The following CDK18 variants were observed in gnomAD, a reference collection of about 807,000 sequenced individuals.
The protein encoded by CDK18 is cyclin-dependent kinase 18.
A neutral mutation model predicts 62.0 loss-of-function variants in CDK18; 52 were observed. The ratio of observed to expected loss-of-function variants is 0.84; its 90% CI spans 0.67 to 1.06. The LOEUF is 1.06. Among genes scored for constraint, CDK18 ranks in the 50% least tolerant of loss-of-function variants. The pLI, the probability that CDK18 is intolerant of heterozygous loss-of-function variation, is 0.00. For synonymous variants in CDK18, 237 were observed against 247.0 expected (o/e 0.96, Z 0.38); for missense variants, 604 against 619.9 (o/e 0.97, Z 0.27).
intron 4 of CDK18, among the ~76,000 whole-genome samples, chr1:205,524,918 G>C (rs1390928592): frequency 6.6e-6 from 1 of 152,086 alleles, no homozygotes; most frequent in African/African-American, 2.4e-5. Flanking sequence ...AACAATCCCA[G>C]GTGCCACAGC....
At chr1:205,526,295 G>A (rs749900174) in intron 6 of CDK18, 72 bp from the exon 7 acceptor site, 19 of 1,480,004 alleles carry the variant, frequency 1.3e-5, no homozygotes, top group Admixed American at 3.3e-5. Flanking sequence ...GACTCCTGGC[G>A]CTGACCCCAA....
chr1:205,518,553 G>A (rs982579214), intron 1 of CDK18, among the ~76,000 whole-genome samples: 6 of 152,224 alleles, frequency 3.9e-5, no homozygotes, highest in Non-Finnish European at 8.8e-5. Flanking sequence ...GAGGGCTCCA[G>A]GTAGGAGAAG....
At chr1:205,509,930 AT>A in intron 1 of CDK18, among the ~76,000 whole-genome samples, 1 of 152,102 alleles carries the variant, frequency 6.6e-6, no homozygotes. Flanking sequence ...AAATACAAAA[AT>A]TAGCCAGGCA....
At chr1:205,511,878 A>G (rs1667580355) in intron 1 of CDK18, among the ~76,000 whole-genome samples, 1 of 152,122 alleles carries the variant, frequency 6.6e-6, no homozygotes, top group African/African-American at 2.4e-5. Context: ...ACATGGTGAA[A>G]CCCCATCTCT....
At chr1:205,505,570 T>TG (rs1313798393) in intron 1 of CDK18, among the ~76,000 whole-genome samples, 1 of 152,162 alleles carries the variant, frequency 6.6e-6, no homozygotes, top group Non-Finnish European at 1.5e-5. Flanking sequence ...GCTAAGGAGA[T>TG]GTGCCTTGAG....
At chr1:205,530,767 CT>C (rs1228708000) in intron 15 of CDK18, 62 bp downstream of exon 15, 30 of 1,390,880 alleles carry the variant, frequency 2.2e-5, no homozygotes, top group African/African-American at 8.5e-5. Flanking sequence ...CAGGCGACCC[CT>C]CCCCAGTGGG....
At chr1:205,515,890 T>C (rs2102284757) in intron 1 of CDK18, among the ~76,000 whole-genome samples, 1 of 152,334 alleles carries the variant, frequency 6.6e-6, no homozygotes, top group South Asian at 2.1e-4. Flanking sequence ...GGGAATCCTC[T>C]TGGAGCTCTG....
intron 2 of CDK18, 67 bp from the exon 3 acceptor site, chr1:205,523,415 AG>A (rs755289020): frequency 2.6e-5 from 40 of 1,520,520 alleles, no homozygotes; most frequent in Middle Eastern, 1.7e-4. Flanking sequence ...GCGCTGGGGG[AG>A]GGGGGCTACC....
rs965236333 is a variant in CDK18, at chr1:205,527,546, C to T, written c.730-248C>T. The T allele has an allele frequency of 6.0e-6, 3 of 496,434 alleles. No homozygotes were observed. Among genetic ancestry groups the T allele is most frequent in the South Asian group, 2.8e-5 (1 of 36,348 alleles). The allele number at this position is 496,434 out of a possible 1,614,324, so 30.8% of individuals were successfully genotyped here. A position where few individuals can be genotyped will look rare whatever the true frequency, so the allele number is the denominator to read the frequency against. ...CCACATAGGCGGGCATCCTGACCCC[C>T]GTGCTCCTGACTGAGACTTCGCTGG... On this transcript the variant is annotated intron_variant, in intron 8 of 15. Transcript: ENST00000429964. The surrounding 1 kb of genome is among the most constrained non-coding windows in gnomAD (Gnocchi z 4.1).
chr1:205,528,264 C>T lies in CDK18; in HGVS notation c.974+96C>T. On this transcript the variant is annotated intron_variant, in intron 10 of 15. Coordinates refer to ENST00000429964, the MANE Select transcript of CDK18 (RefSeq NM_212502.3). This position sits in a 1 kb window ranked among gnomAD's most constrained non-coding sequence, Gnocchi z 4.2. The stretch of plus-strand genomic sequence containing the variant: ...CCCCAAGGGCCTCGGGGAAGAACTG[C>T]CTAACTTCCTTTGCCTAAAAGCCTT... The T allele has an allele frequency of 1.4e-6, 2 of 1,439,902 alleles. No homozygotes were observed. Among genetic ancestry groups the T allele is most frequent in the South Asian group, 1.3e-5 (1 of 76,850 alleles). The allele number at this position is 1,439,902 out of a possible 1,614,324, so 89.2% of individuals were successfully genotyped here.
At chr1:205,520,469 A>G (rs1558775051) in intron 1 of CDK18, among the ~76,000 whole-genome samples, 1 of 151,952 alleles carries the variant, frequency 6.6e-6, no homozygotes, top group Non-Finnish European at 1.5e-5. Context: ...GAGGCCGAGG[A>G]GGGGCAGATC....
intron 14 of CDK18, 139 bp downstream of exon 14, chr1:205,530,488 G>T: frequency 8.4e-7 from 1 of 1,189,266 alleles, no homozygotes. Context: ...CTCCCCTGCT[G>T]GGGTTCTCAT....
In CDK18 at chr1:205,527,960, C is replaced by G; in HGVS notation, c.853+43C>G. On this transcript the variant is annotated intron_variant, in intron 9 of 15. Coordinates refer to ENST00000429964, the MANE Select transcript of CDK18 (RefSeq NM_212502.3). The surrounding 1 kb of genome is among the most constrained non-coding windows in gnomAD (Gnocchi z 4.1). ...GTGGGGGTCTGACGCTACTGGGGTG[C>G]CTCAGGGTGTGGGTGCAGTGGGGGA... 6.2e-7 allele frequency: 1 copy of G among 1,613,078 alleles called. No homozygotes were observed. Among genetic ancestry groups the G allele is most frequent in the Non-Finnish European group, 8.5e-7 (1 of 1,179,328 alleles).
At position 205,517,510 on chromosome 1, in the gene CDK18, G is replaced by A. The variant is rs1205418183; in HGVS notation, c.-21-5637G>A. Among the ~76,000 whole-genome samples, 1 of 152,058 alleles carries A rather than the reference G, an allele frequency of 6.6e-6. No individual in the cohort carries two copies. Among genetic ancestry groups the A allele is most frequent in the Admixed American group, 6.6e-5 (1 of 15,254 alleles). ...CCAGCATGTTTGCTCAGATACCACT[G>A]TACGTTGAAAATGTCACCTGCCCAA... On this transcript the variant is annotated intron_variant, in intron 1 of 15. Transcript: ENST00000429964. This position sits in a 1 kb window ranked among gnomAD's most constrained non-coding sequence, Gnocchi z 4.1.
In CDK18 at chr1:205,516,651, G is replaced by A. The variant is rs116262112; in HGVS notation, c.-21-6496G>A. 8.5e-3 allele frequency among the ~76,000 whole-genome samples: 1,297 copies of A among 152,260 alleles called. 8 individuals are homozygous for A. The highest frequency in any genetic ancestry group is 0.033 in the South Asian group (161 of 4,808). On this transcript the variant is annotated intron_variant, in intron 1 of 15. Transcript: ENST00000429964. This position sits in a 1 kb window ranked among gnomAD's most constrained non-coding sequence, Gnocchi z 4.8. ...ATGAGGGAGACAGGTGAAAAGTCAC[G>A]CCCCATTGAAGGAGGGGCACCTGGT... is the stretch of plus-strand genomic sequence containing the variant.
At chr1:205,507,264 T>C (rs1273005936) in intron 1 of CDK18, among the ~76,000 whole-genome samples, 2 of 152,138 alleles carry the variant, frequency 1.3e-5, no homozygotes, top group East Asian at 3.8e-4. Flanking sequence ...GACCTTCCCC[T>C]CACTAGCACA....
In CDK18 at chr1:205,528,857, C is replaced by T. The variant is rs974503565; in HGVS notation, c.975-142C>T. The T allele has an allele frequency of 1.9e-5, 11 of 591,780 alleles. No individual in the cohort carries two copies. Among genetic ancestry groups the T allele is most frequent in the African/African-American group, 1.5e-4 (8 of 53,610 alleles). The allele number at this position is 591,780 out of a possible 1,614,324, so 36.7% of individuals were successfully genotyped here. A position where few individuals can be genotyped will look rare whatever the true frequency, so the allele number is the denominator to read the frequency against. ...GGCTGGGCAGTTCTAGGAGCCTCCA[C>T]TGCCCTGGGCCACCCCTCCGCCGCC... On this transcript the variant is annotated intron_variant, in intron 10 of 15. Coordinates refer to ENST00000429964, the MANE Select transcript of CDK18 (RefSeq NM_212502.3). This position sits in a 1 kb window ranked among gnomAD's most constrained non-coding sequence, Gnocchi z 4.2.
At chr1:205,518,486 A>C (rs1175488009) in intron 1 of CDK18, among the ~76,000 whole-genome samples, 1 of 152,216 alleles carries the variant, frequency 6.6e-6, no homozygotes, top group Non-Finnish European at 1.5e-5. Flanking sequence ...TTTGGCACGC[A>C]GTTCAGAGTA....
At position 205,528,224 on chromosome 1, in the gene CDK18, G is replaced by A; in HGVS notation, c.974+56G>A. The A allele has an allele frequency of 6.3e-7, 1 of 1,589,068 alleles. No homozygotes were observed. The highest frequency in any genetic ancestry group is 2.3e-5 in the East Asian group (1 of 44,398). ...GAGGACAGGCCTGGCCACACCTCCAGACTCTCCTTTGCTTCCCCAAGGGCC... is the reference window on the plus strand; with the variant it reads ...GAGGACAGGCCTGGCCACACCTCCAAACTCTCCTTTGCTTCCCCAAGGGCC... On this transcript the variant is annotated intron_variant, in intron 10 of 15. Transcript: ENST00000429964. The surrounding 1 kb of genome is among the most constrained non-coding windows in gnomAD (Gnocchi z 4.2).
Sources: allele counts gnomAD v4.1 joint callset (sites outside exome capture counted in the v4.1 genomes callset), GRCh38; gene constraint gnomAD v4.1.1; non-coding constraint Gnocchi (gnomAD v3.1); transcripts MANE v1.5; gene names NCBI Gene and HGNC (gene_info 2026-07-23, HGNC 2026-07-21).